The following CBFA2T3 variants were observed in gnomAD, a reference collection of about 807,000 sequenced individuals.
CBFA2T3 encodes the protein CBFA2/RUNX1 partner transcriptional co-repressor 3.
A neutral mutation model predicts 58.6 loss-of-function variants in CBFA2T3; 31 were observed. That is an observed-to-expected ratio of 0.53 (90% CI 0.40 to 0.71). CBFA2T3 has a LOEUF of 0.71. Among genes scored for constraint, CBFA2T3 ranks in the 30% least tolerant of loss-of-function variants. The pLI is 0.00. For synonymous variants in CBFA2T3, 531 were observed against 421.9 expected (o/e 1.26, Z -3.17); for missense variants, 1,076 against 963.1 (o/e 1.12, Z -1.55).
chr16:88,975,747 C>A (rs148625106), intron 1 of CBFA2T3, among the ~76,000 whole-genome samples: 1 of 152,258 alleles, frequency 6.6e-6, no homozygotes, highest in Non-Finnish European at 1.5e-5. Context: ...GCCCCACGGG[C>A]AGCTGCAGGT....
intron 7 of CBFA2T3, chr16:88,883,195 C>T (rs1219781374): frequency 8.2e-6 from 2 of 243,926 alleles, no homozygotes; most frequent in African/African-American, 4.5e-5. Context: ...GCCTCAGTGC[C>T]AAGTCACACC....
At chr16:88,965,642 G>A (rs1307638265) in intron 1 of CBFA2T3, among the ~76,000 whole-genome samples, 1 of 152,176 alleles carries the variant, frequency 6.6e-6, no homozygotes, top group Non-Finnish European at 1.5e-5. Flanking sequence ...TGAGGTTGCG[G>A]GGTGCAGCTG....
At chr16:88,895,186 G>A (rs934956475) in intron 3 of CBFA2T3, among the ~76,000 whole-genome samples, 11 of 152,188 alleles carry the variant, frequency 7.2e-5, no homozygotes, top group Non-Finnish European at 1.2e-4. Flanking sequence ...GGAAGGGGCC[G>A]CACCCTCCAG....
intron 1 of CBFA2T3, among the ~76,000 whole-genome samples, chr16:88,916,008 G>T (rs1387668631): frequency 6.6e-6 from 1 of 152,106 alleles, no homozygotes; most frequent in Non-Finnish European, 1.5e-5. Flanking sequence ...CTGTGTGCAT[G>T]GGTGTGTGTC....
At chr16:88,884,865 A>C in intron 7 of CBFA2T3, 181 bp downstream of exon 7, 1 of 553,832 alleles carries the variant, frequency 1.8e-6, no homozygotes. Flanking sequence ...GGCCCAGGAC[A>C]GGCCCCTCTG....
chr16:88,901,263 T>C (rs979616539), intron 2 of CBFA2T3, among the ~76,000 whole-genome samples: 4 of 152,138 alleles, frequency 2.6e-5, no homozygotes, highest in South Asian at 2.1e-4. Flanking sequence ...AGGACCTGCA[T>C]TGCAGAAGAG....
intron 1 of CBFA2T3, among the ~76,000 whole-genome samples, chr16:88,944,176 A>T (rs1971840395): frequency 6.6e-6 from 1 of 152,050 alleles, no homozygotes; most frequent in Non-Finnish European, 1.5e-5. Context: ...TCTCTACTAA[A>T]AATACAAAAA....
chr16:88,886,063 T>G lies in CBFA2T3; in HGVS notation c.791A>C (p.Gln264Pro). The change falls in exon 6 of 12, where the codon CAG becomes CCG. Residue 264 changes from glutamine (Q) to proline (P), a missense_variant. Gln to Pro is a moderately conservative substitution (Grantham distance 76). Transcript: ENST00000268679. ...AKQTPAQYLA[Q>P]HEQLLLDASA... ...GGCGTCCAGCAGGAGCTGCTCATGC[T>G]GGGCCAAGTACTGGGCGGGCGTCTG... is the stretch of plus-strand genomic sequence containing the variant. 6.3e-7 allele frequency: 1 copy of G among 1,590,406 alleles called. No individual in the cohort carries two copies. Among genetic ancestry groups the G allele is most frequent in the African/African-American group, 1.3e-5 (1 of 74,952 alleles).
intron 1 of CBFA2T3, among the ~76,000 whole-genome samples, chr16:88,943,229 G>C (rs377330336): frequency 1.7e-3 from 260 of 152,314 alleles, no homozygotes; most frequent in African/African-American, 5.6e-3. Context: ...CAATGCCTGC[G>C]GCAGCTGTGG....
In CBFA2T3 at chr16:88,880,988, C is replaced by A. The variant is rs1008228724; in HGVS notation, c.1403-200G>T. On this transcript the variant is annotated intron_variant, in intron 9 of 11. Transcript: ENST00000268679. ...CACGGGGGGCATTGGAGCTGTGGAC[C>A]TTGGACTCGGCTGGGAGCCGTGTGT... The A allele has an allele frequency of 5.9e-6, 4 of 673,926 alleles. No individual in the cohort carries two copies. The African/African-American group carries it at 7.1e-5, about 12-fold the overall frequency. 41.7% of individuals were successfully genotyped at this position (673,926 alleles called of 1,614,324 possible).
At chr16:88,962,204 C>A (rs1226820758) in intron 1 of CBFA2T3, among the ~76,000 whole-genome samples, 1 of 152,240 alleles carries the variant, frequency 6.6e-6, no homozygotes, top group Non-Finnish European at 1.5e-5. Flanking sequence ...GTAACCGACC[C>A]TCAGCACTGG....
chr16:88,911,464 T>C (rs1253988186), intron 1 of CBFA2T3, among the ~76,000 whole-genome samples: 1 of 152,196 alleles, frequency 6.6e-6, no homozygotes. Flanking sequence ...TCAAAAGCCC[T>C]CTGTGGCCCT....
chr16:88,905,997 C>T (rs1234733701), intron 1 of CBFA2T3, among the ~76,000 whole-genome samples: 5 of 151,812 alleles, frequency 3.3e-5, no homozygotes, highest in African/African-American at 9.7e-5. Flanking sequence ...CTTCCTCGGG[C>T]AAGCCACAGC....
chr16:88,901,584 G>T lies in CBFA2T3; in HGVS notation c.224C>A (p.Ser75Tyr). 6.6e-7 allele frequency: 1 copy of T among 1,512,164 alleles called. No individual in the cohort carries two copies. The highest frequency in any genetic ancestry group is 8.8e-7 in the Non-Finnish European group (1 of 1,142,402). 93.7% of individuals were successfully genotyped at this position (1,512,164 alleles called of 1,614,324 possible). The stretch of plus-strand genomic sequence containing the variant: ...TGGGGGCGGCATGCTGGGGGGTGTG[G>T]ACCGGGGCTGCGTCTTCACCTCCGC... ...SPAEVKTQPR[S>Y]TPPSMPPPPP... is the part of the protein sequence containing the mutation. Residue 75 changes from serine (S) to tyrosine (Y), a missense_variant, in exon 2 of 12, where the codon TCC becomes TAC. By Grantham distance (144) the Ser-to-Tyr change is moderately radical. Transcript: ENST00000268679.
chr16:88,956,725 C>T (rs994527038), intron 1 of CBFA2T3, among the ~76,000 whole-genome samples: 5 of 152,344 alleles, frequency 3.3e-5, no homozygotes, highest in African/African-American at 7.2e-5. Context: ...GAGAAAGAGG[C>T]GCTCCAGGCG....
At chr16:88,975,480 A>G (rs1480062107) in intron 1 of CBFA2T3, among the ~76,000 whole-genome samples, 1 of 152,232 alleles carries the variant, frequency 6.6e-6, no homozygotes, top group Admixed American at 6.5e-5. Context: ...ACCATGAGGA[A>G]ACTGAGGCCC....
chr16:88,893,717 T>C (rs1469995301), intron 3 of CBFA2T3, among the ~76,000 whole-genome samples: 3 of 152,198 alleles, frequency 2.0e-5, no homozygotes, highest in East Asian at 1.9e-4. Context: ...TTGGGGTCAG[T>C]GTTCCAGGGG....
At chr16:88,941,340 G>A (rs965004357) in intron 1 of CBFA2T3, 5 of 198,680 alleles carry the variant, frequency 2.5e-5, no homozygotes, top group South Asian at 1.5e-4. Flanking sequence ...GCGCTCGCCC[G>A]AGAGTCTCAC....
At chr16:88,961,076 G>A (rs1316801756) in intron 1 of CBFA2T3, among the ~76,000 whole-genome samples, 1 of 152,196 alleles carries the variant, frequency 6.6e-6, no homozygotes, top group Non-Finnish European at 1.5e-5. Context: ...GTCTCGCTGT[G>A]GGCAGGTGGT....
Sources: gnomAD v4.1 joint callset for allele counts (sites outside exome capture counted in the v4.1 genomes callset) on GRCh38, gnomAD v4.1.1 for gene constraint, MANE v1.5 for transcripts, NCBI Gene and HGNC (gene_info 2026-07-23, HGNC 2026-07-21) for gene names.